The following AAK1 variants were observed in gnomAD, a reference collection of about 807,000 sequenced individuals.
AAK1 encodes AP2-associated protein kinase 1.
A neutral mutation model predicts 116.0 loss-of-function variants in AAK1; 37 were observed. The ratio of observed to expected loss-of-function variants is 0.32; its 90% confidence interval spans 0.25 to 0.42. The LOEUF is 0.42. AAK1 is among the 10% of genes least tolerant of loss of function. The probability of loss-of-function intolerance (pLI) is 1.00; values close to 1 mark genes in which losing one functional copy is unlikely to be tolerated. For missense variants in AAK1, 919 were observed against 1,170.6 expected, an observed-to-expected ratio of 0.79 and a Z score of 3.14; for synonymous variants, 458 against 439.9, an observed-to-expected ratio of 1.04 and a Z score of -0.51.
chr2:69,595,038 G>C (rs938329136), intron 2 of AAK1: 1 of 740,994 alleles, frequency 1.3e-6, no homozygotes, highest in Non-Finnish European at 2.5e-6. Context: ...AAGTCCAGCG[G>C]GTTTTAGGAA....
chr2:69,520,344 G>A (rs527948191), intron 11 of AAK1, among the ~76,000 whole-genome samples: 7 of 150,678 alleles, frequency 4.6e-5, no homozygotes, highest in East Asian at 3.9e-4. Context: ...AGCCATTTGC[G>A]ATACAATTCT....
chr2:69,566,669 G>A (rs1041203273), intron 2 of AAK1, among the ~76,000 whole-genome samples: 2 of 152,168 alleles, frequency 1.3e-5, no homozygotes. Context: ...CAGCTCAGGA[G>A]GTTCTTTTTA....
Position 69,470,847 on chromosome 2 carries a change from GC to G in AAK1, c.*5021del. On this transcript the variant is annotated 3_prime_UTR_variant, in exon 22 of 22. Transcript: ENST00000409085. ...TCAATACTGTGATTAAATCCTTTCT[GC>G]AAAAAAGTGGGTTTTCAGCTCAGGA... 1.0e-6 allele frequency: 1 copy of G among 985,724 alleles called. No individual in the cohort carries two copies. The highest frequency in any genetic ancestry group is 1.2e-6 in the Non-Finnish European group (1 of 829,908). 61.1% of individuals were successfully genotyped at this position (985,724 alleles called of 1,614,324 possible). A position where few individuals can be genotyped will look rare whatever the true frequency, so the allele number is the denominator to read the frequency against.
At chr2:69,630,054 G>A (rs771451648) in intron 2 of AAK1, among the ~76,000 whole-genome samples, 3 of 152,026 alleles carry the variant, frequency 2.0e-5, no homozygotes, top group African/African-American at 7.3e-5. Context: ...CTAAATCCAC[G>A]GTACAAAGAT....
intron 1 of AAK1, 75 bp downstream of exon 1, chr2:69,643,500 C>CCCTCCCGGGCACTGCCTCCCGCT: frequency 1.6e-6 from 2 of 1,221,094 alleles, no homozygotes; most frequent in South Asian, 4.2e-5. Flanking sequence ...GCAGCGCCGA[C>CCCTCCCGGGCACTGCCTCCCGCT]CCTCCCGGGC....
chr2:69,473,509 C>G lies in AAK1; in HGVS notation c.*2360G>C. 1.0e-6 allele frequency: 1 copy of G among 985,456 alleles called. No individual in the cohort carries two copies. The highest frequency in any genetic ancestry group is 1.2e-6 in the Non-Finnish European group (1 of 829,934). 61.0% of individuals were successfully genotyped at this position (985,456 alleles called of 1,614,324 possible). ...GCCCAAGACAATTTCTTGTCATTAT[C>G]TCCCTTAGGCTTCTACTGCCGTCTC... is the stretch of plus-strand genomic sequence containing the variant. On this transcript the variant is annotated 3_prime_UTR_variant, in exon 22 of 22. Coordinates refer to ENST00000409085, the MANE Select transcript of AAK1 (RefSeq NM_014911.5).
intron 18 of AAK1, chr2:69,481,545 G>C (rs1219883168): frequency 6.6e-6 from 1 of 152,404 alleles, no homozygotes; most frequent in Non-Finnish European, 1.5e-5. Flanking sequence ...CTCAGCTGCA[G>C]GCCTACCCCT....
rs149603964 is a variant in AAK1, at chr2:69,507,529, C to T, written c.2056G>A (p.Val686Ile). 44 of 1,612,406 alleles carry T rather than the reference C, an allele frequency of 2.7e-5. No individual in the cohort carries two copies. The South Asian group carries it at 3.5e-4, about 13-fold the overall frequency. The change falls in exon 15 of 22, where the codon GTT (valine) becomes ATT (isoleucine). Residue 686 changes from valine to isoleucine, a missense_variant. Transcript: ENST00000409085. The part of the protein sequence containing the change: ...SGSPRTSQQN[V>I]YNPSEGSTWN... ...GTAGACCCTTCTGAAGGATTATAAA[C>T]GTTTTGTTGAGAGGTCCGAGGAGAG... is the stretch of plus-strand genomic sequence containing the variant.
chr2:69,479,129 G>C, intron 19 of AAK1, 68 bp from the exon 20 acceptor site: 1 of 1,081,392 alleles, frequency 9.2e-7, no homozygotes, highest in East Asian at 2.4e-5. Context: ...AATATCATGA[G>C]ATTAGATCTT....
intron 16 of AAK1, among the ~76,000 whole-genome samples, chr2:69,497,367 A>G (rs1222271206): frequency 7.2e-6 from 1 of 138,148 alleles, no homozygotes; most frequent in Non-Finnish European, 1.5e-5. Flanking sequence ...CAGTGGTGCA[A>G]TTTTGGCTCA....
At chr2:69,529,959 C>T (rs762931927) in intron 8 of AAK1, 49 bp downstream of exon 8, 2 of 1,425,150 alleles carry the variant, frequency 1.4e-6, no homozygotes, top group Non-Finnish European at 1.9e-6. Flanking sequence ...CCAATTCATT[C>T]TTTGTGATTA....
chr2:69,617,229 C>T (rs1350139498), intron 2 of AAK1, among the ~76,000 whole-genome samples: 4 of 152,028 alleles, frequency 2.6e-5, no homozygotes, highest in African/African-American at 9.6e-5. Flanking sequence ...AAGCCCCTAT[C>T]CCTAGAAGAT....
At position 69,461,581 on chromosome 2, in the gene AAK1, T is replaced by C. The variant is rs1057327752; in HGVS notation, c.*14288A>G. On this transcript the variant is annotated 3_prime_UTR_variant, in exon 22 of 22. Transcript: ENST00000409085. ...AGGTATGTAGAGTCTCCACCCATCA[T>C]GTCTCCAGTGACAATTTTTTTTTTT... 11 of 426,580 alleles carry C rather than the reference T, an allele frequency of 2.6e-5. No individual in the cohort carries two copies. The highest frequency in any genetic ancestry group is 1.8e-4 in the South Asian group (11 of 60,578). The allele number at this position is 426,580 out of a possible 1,614,324, so 26.4% of individuals were successfully genotyped here.
intron 19 of AAK1, among the ~76,000 whole-genome samples, chr2:69,479,859 G>A (rs1034109704): frequency 1.3e-5 from 2 of 152,112 alleles, no homozygotes; most frequent in Non-Finnish European, 2.9e-5. Context: ...GGGTTCAAGC[G>A]ATTCTCCTGC....
intron 17 of AAK1, among the ~76,000 whole-genome samples, chr2:69,483,246 C>G (rs1675164881): frequency 6.6e-6 from 1 of 152,118 alleles, no homozygotes. Flanking sequence ...CACCACAGAC[C>G]CTGGTAACAA....
chr2:69,470,055 A>G lies in AAK1; in HGVS notation c.*5814T>C, dbSNP rs1277966823. ...CCCCTGGAAACTCCATCTGATTGAC[A>G]TAGTGAGGGCCATCAGAATGCTCCC... On this transcript the variant is annotated 3_prime_UTR_variant, in exon 22 of 22. Coordinates refer to ENST00000409085, the MANE Select transcript of AAK1 (RefSeq NM_014911.5). 4 of 985,486 alleles carry G rather than the reference A, an allele frequency of 4.1e-6. No homozygotes were observed. The highest frequency in any genetic ancestry group is 4.8e-6 in the Non-Finnish European group (4 of 829,942). The allele number at this position is 985,486 out of a possible 1,614,324, so 61.0% of individuals were successfully genotyped here. A position where few individuals can be genotyped will look rare whatever the true frequency, so the allele number is the denominator to read the frequency against.
intron 14 of AAK1, 84 bp from the exon 15 acceptor site, chr2:69,507,662 G>A: frequency 1.6e-6 from 2 of 1,222,204 alleles, no homozygotes; most frequent in Non-Finnish European, 1.1e-6. Flanking sequence ...CTCTGTTTCA[G>A]AATCAAATTA....
chr2:69,480,347 G>A (rs1237304328), intron 19 of AAK1, among the ~76,000 whole-genome samples: 1 of 151,858 alleles, frequency 6.6e-6, no homozygotes, highest in Non-Finnish European at 1.5e-5. Flanking sequence ...TGAAATTAGG[G>A]TACAAGTAAT....
At chr2:69,541,257 G>A (rs1192132688) in intron 5 of AAK1, among the ~76,000 whole-genome samples, 1 of 141,250 alleles carries the variant, frequency 7.1e-6, no homozygotes, top group Non-Finnish European at 1.5e-5. Flanking sequence ...TTGAGGCAGA[G>A]TCTCGCTCTG....
Sources: allele counts gnomAD v4.1 joint callset (sites outside exome capture counted in the v4.1 genomes callset), GRCh38; gene constraint gnomAD v4.1.1; transcripts MANE v1.5; gene names NCBI Gene and HGNC (gene_info 2026-07-23, HGNC 2026-07-21).